The following PRKDC variants were observed in gnomAD, a reference collection of about 807,000 sequenced individuals.
The protein encoded by PRKDC is DNA-dependent protein kinase catalytic subunit.
A neutral mutation model predicts 486.9 loss-of-function variants in PRKDC; 82 were observed. That is an observed-to-expected ratio of 0.17 (90% CI 0.14 to 0.20). The LOEUF is 0.20. PRKDC is among the 10% of genes least tolerant of loss of function. The pLI, the probability that PRKDC is intolerant of heterozygous loss-of-function variation, is 1.00. For missense variants in PRKDC, 4,504 were observed against 5,038.2 expected (o/e 0.89, Z 3.21); for synonymous variants, 1,895 against 1,837.0 (o/e 1.03, Z -0.81).
chr8:47,866,336 G>C (rs2088812143), intron 40 of PRKDC, among the ~76,000 whole-genome samples: 2 of 152,080 alleles, frequency 1.3e-5, no homozygotes, highest in African/African-American at 4.8e-5. Flanking sequence ...ATACTTTTCT[G>C]TTGTTTTATA....
intron 40 of PRKDC, among the ~76,000 whole-genome samples, chr8:47,877,362 T>A (rs2089111775): frequency 6.6e-6 from 1 of 152,206 alleles, no homozygotes; most frequent in Non-Finnish European, 1.5e-5. Context: ...CTATGGCTAT[T>A]CAAGAAAACT....
In PRKDC at chr8:47,836,520, G is replaced by A; in HGVS notation, c.7769C>T (p.Thr2590Ile). The A allele has an allele frequency of 2.5e-6, 4 of 1,591,894 alleles. No homozygotes were observed. Among genetic ancestry groups the A allele is most frequent in the Non-Finnish European group, 3.4e-6 (4 of 1,168,474 alleles). ...TCGGAAACGCCAATCAGAATCAATG[G>A]TATATTCCTGTACATAAGAAAGTTT... ...PLSECEFQEY[T>I]IDSDWRFRST... Residue 2590 changes from threonine (T) to isoleucine (I), a missense_variant, in exon 58 of 86, where the codon ACC becomes ATC. Physicochemically the swap from Thr to Ile is moderately conservative, Grantham distance 89. This residue lies in a region of PRKDC where 1,592 missense variants were observed against 1,724.6 expected (regional missense o/e 0.92). Coordinates refer to ENST00000314191, the MANE Select transcript of PRKDC (RefSeq NM_006904.7).
intron 54 of PRKDC, among the ~76,000 whole-genome samples, chr8:47,841,224 C>A (rs1205457903): frequency 6.6e-6 from 1 of 152,192 alleles, no homozygotes; most frequent in Admixed American, 6.5e-5. Context: ...AGAGCACCAG[C>A]CTATGTGGAG....
chr8:47,778,374 TAAAAAC>T, intron 83 of PRKDC, 79 bp downstream of exon 83: 1 of 1,415,988 alleles, frequency 7.1e-7, no homozygotes, highest in Non-Finnish European at 9.5e-7. Context: ...TGTTTTTCCT[TAAAAAC>T]TGTCTATTTC....
At chr8:47,891,825 T>C (rs1419835827) in intron 31 of PRKDC, among the ~76,000 whole-genome samples, 2 of 152,208 alleles carry the variant, frequency 1.3e-5, no homozygotes, top group Non-Finnish European at 2.9e-5. Flanking sequence ...TGGGAAAATG[T>C]ACATTTTAGA....
chr8:47,904,126 G>A (rs1218474515), intron 26 of PRKDC, among the ~76,000 whole-genome samples: 1 of 152,158 alleles, frequency 6.6e-6, no homozygotes, highest in East Asian at 1.9e-4. Context: ...TCAGTGAGCT[G>A]GCGACCAAAT....
At chr8:47,903,181 C>T (rs2089718149) in intron 26 of PRKDC, among the ~76,000 whole-genome samples, 1 of 152,076 alleles carries the variant, frequency 6.6e-6, no homozygotes, top group Admixed American at 6.5e-5. Flanking sequence ...AGACACTTTG[C>T]ATATTGAAGT....
In PRKDC at chr8:47,877,829, G is replaced by C; in HGVS notation, c.5258C>G (p.Ser1753Cys). The change falls in exon 40 of 86, where the codon TCT (serine) becomes TGT (cysteine). Residue 1753 changes from serine (S) to cysteine (C), a missense_variant. By Grantham distance (112) the Ser-to-Cys change is moderately radical. Coordinates refer to ENST00000314191, the MANE Select transcript of PRKDC (RefSeq NM_006904.7). ...CAATTCCAACAACATAGGGCTTTGA[G>C]ATAATTCCAATGCATCTAGAAACTA... is the stretch of plus-strand genomic sequence containing the variant. ...MKKFLDALEL[S>C]QSPMLLELMT... is the part of the protein sequence containing the mutation. 3 of 1,546,432 alleles carry C rather than the reference G, an allele frequency of 1.9e-6. No homozygotes were observed. The highest frequency in any genetic ancestry group is 2.6e-6 in the Non-Finnish European group (3 of 1,144,484).
At chr8:47,891,126 ACT>A (rs1217195131) in intron 31 of PRKDC, among the ~76,000 whole-genome samples, 2 of 151,896 alleles carry the variant, frequency 1.3e-5, no homozygotes, top group Non-Finnish European at 2.9e-5. Context: ...GTTCATCAGG[ACT>A]CTCCTGCTTA....
intron 14 of PRKDC, 24 bp from the exon 15 acceptor site, chr8:47,934,114 AT>A: frequency 6.3e-7 from 1 of 1,598,234 alleles, no homozygotes; most frequent in Non-Finnish European, 8.5e-7. Flanking sequence ...CAGCATGACA[AT>A]ATGTAGTGAT....
At chr8:47,784,933 T>C (rs2086765939) in intron 77 of PRKDC, among the ~76,000 whole-genome samples, 180 bp downstream of exon 77, 2 of 152,242 alleles carry the variant, frequency 1.3e-5, no homozygotes, top group African/African-American at 2.4e-5. Context: ...CATTTAGTAA[T>C]GTGTGCTCAT....
chr8:47,925,606 A>G (rs1350995306), intron 21 of PRKDC, among the ~76,000 whole-genome samples: 1 of 152,246 alleles, frequency 6.6e-6, no homozygotes, highest in Non-Finnish European at 1.5e-5. Flanking sequence ...ACTTGGAAGA[A>G]TATGTATCCA....
Position 47,831,889 on chromosome 8 carries a change from T to C in PRKDC, c.8190A>G (p.Arg2730=). Residue 2730 remains arginine (R), a synonymous_variant, in exon 60 of 86, where the codon AGA becomes AGG. Coordinates refer to ENST00000314191, the MANE Select transcript of PRKDC (RefSeq NM_006904.7). ...GCTTCTCCTGGTCCCTCATAAACCG[T>C]CTGCGCAGTCGTAGTAGGTCCGTCC... ...AGRTDLLRLR[R]RFMRDQEKLS... is the part of the protein sequence containing the mutation. The C allele has an allele frequency of 1.2e-6, 2 of 1,613,942 alleles. No homozygotes were observed. Among genetic ancestry groups the C allele is most frequent in the East Asian group, 4.5e-5 (2 of 44,868 alleles).
intron 31 of PRKDC, among the ~76,000 whole-genome samples, chr8:47,891,692 C>T (rs1311507432): frequency 1.3e-5 from 2 of 152,024 alleles, no homozygotes; most frequent in African/African-American, 2.4e-5. Flanking sequence ...TGCACTCCAG[C>T]CTGGGCGACG....
chr8:47,878,925 G>A (rs2089146770), intron 39 of PRKDC, among the ~76,000 whole-genome samples: 1 of 152,114 alleles, frequency 6.6e-6, no homozygotes, highest in Non-Finnish European at 1.5e-5. Context: ...GATATCTCAT[G>A]TATACACAAA....
At chr8:47,827,380 A>G (rs974792138) in intron 62 of PRKDC, among the ~76,000 whole-genome samples, 1 of 152,256 alleles carries the variant, frequency 6.6e-6, no homozygotes, top group Non-Finnish European at 1.5e-5. Flanking sequence ...CAAAAATACT[A>G]AAATGAATCA....
Position 47,889,038 on chromosome 8 carries a change from A to T in PRKDC, c.4256T>A (p.Leu1419Gln). 6.2e-7 allele frequency: 1 copy of T among 1,613,930 alleles called. No individual in the cohort carries two copies. The highest frequency in any genetic ancestry group is 1.3e-5 in the African/African-American group (1 of 75,050). ...CCTCTGTGCTGTTATTTTCTCTCTC[A>T]GATGGGTCTCTAGGATATCTTTGTA... ...SPYKDILETH[L>Q]REKITAQSIE... The change falls in exon 33 of 86, where the codon CTG (leucine) becomes CAG (glutamine). Residue 1419 changes from leucine (L) to glutamine (Q), a missense_variant. Physicochemically the swap from Leu to Gln is moderately radical, Grantham distance 113. Around this residue, in one of 6 missense-constraint regions of PRKDC, gnomAD observed 1,969 missense variants for 2,068.9 expected, o/e 0.95. Coordinates refer to ENST00000314191, the MANE Select transcript of PRKDC (RefSeq NM_006904.7).
At chr8:47,815,530 C>CCAAAT (rs2087425010) in intron 68 of PRKDC, among the ~76,000 whole-genome samples, 2 of 152,108 alleles carry the variant, frequency 1.3e-5, no homozygotes, top group Non-Finnish European at 2.9e-5. Context: ...TAAAGGGGAG[C>CCAAAT]CTGTTGGCCA....
chr8:47,799,677 G>A (rs1194128494), intron 71 of PRKDC, among the ~76,000 whole-genome samples: 8 of 152,260 alleles, frequency 5.3e-5, no homozygotes, highest in African/African-American at 9.6e-5. Flanking sequence ...CGTGGCTGTC[G>A]GGAATATAAG....
Sources: allele counts gnomAD v4.1 joint callset (sites outside exome capture counted in the v4.1 genomes callset), GRCh38; gene constraint gnomAD v4.1.1; regional missense constraint gnomAD v4.1.1; transcripts MANE v1.5; gene names NCBI Gene and HGNC (gene_info 2026-07-23, HGNC 2026-07-21).